Variants in ZNF536 observed in about 807,000 individuals in gnomAD.
The protein encoded by ZNF536 is zinc finger protein 536.
A neutral mutation model predicts 84.5 loss-of-function variants in ZNF536; 13 were observed. That is an observed-to-expected ratio of 0.15 (90% CI 0.10 to 0.24). The LOEUF (loss-of-function observed/expected upper bound fraction) is 0.24. ZNF536 is among the 10% of genes least tolerant of loss of function. ZNF536 has a pLI of 1.00. For missense variants in ZNF536, 1,536 were observed against 1,747.5 expected (o/e 0.88, Z 2.16); for synonymous variants, 811 against 742.5 (o/e 1.09, Z -1.50).
rs571981727 is a variant in ZNF536 at position 30,570,466 on chromosome 19, G to A, written c.169+20952G>A. ...GTGATAGCAAGCCCACGTTGTTATT[G>A]TGCACGTAGATATTACCACTTTAAC... is the stretch of plus-strand genomic sequence containing the variant. On this transcript the variant is annotated intron_variant, in intron 1 of 1. Coordinates refer to the ZNF536 transcript ENST00000592773. 1.8e-4 allele frequency among the ~76,000 whole-genome samples: 27 copies of A among 152,264 alleles called. No homozygotes were observed. In the South Asian group the frequency reaches 4.1e-3, roughly 23 times the overall value.
At chr19:30,483,970 C>G (rs1345853144) in intron 2 of ZNF536, among the ~76,000 whole-genome samples, 3 of 152,108 alleles carry the variant, frequency 2.0e-5, no homozygotes, top group East Asian at 3.9e-4. Flanking sequence ...CTGGAAATCC[C>G]CCTCTACCTC....
At chr19:30,565,634 C>T (rs962385205) in intron 1 of ZNF536, among the ~76,000 whole-genome samples, 3 of 152,120 alleles carry the variant, frequency 2.0e-5, no homozygotes, top group Non-Finnish European at 2.9e-5. Context: ...TTAGTGTACC[C>T]GTCACCTGAA....
At chr19:30,375,022 G>T in intron 1 of ZNF536, among the ~76,000 whole-genome samples, 1 of 151,878 alleles carries the variant, frequency 6.6e-6, no homozygotes, top group East Asian at 1.9e-4. Context: ...TGGGAGCGGG[G>T]GAAGGTGAGG....
intron 2 of ZNF536, among the ~76,000 whole-genome samples, chr19:30,287,789 G>A (rs1388243145): frequency 6.6e-6 from 1 of 151,578 alleles, no homozygotes; most frequent in Non-Finnish European, 1.5e-5. Flanking sequence ...TGGGTTGATG[G>A]GTGGATGGGA....
intron 1 of ZNF536, among the ~76,000 whole-genome samples, chr19:30,592,796 C>A (rs530333061): frequency 6.6e-6 from 1 of 152,072 alleles, no homozygotes; most frequent in Non-Finnish European, 1.5e-5. Flanking sequence ...ATGGACATAT[C>A]CGCTGTGCTA....
Position 30,294,706 on chromosome 19 carries a change from G to A in ZNF536, c.-120+10565G>A, listed in dbSNP as rs969124849. ...ATGAGTGGCAGACTCCCTAGAGAAGGTTTTGGAAGTTTGCGGAATTCTTAC... is the reference window on the plus strand; with the variant it reads ...ATGAGTGGCAGACTCCCTAGAGAAGATTTTGGAAGTTTGCGGAATTCTTAC... On this transcript the variant is annotated intron_variant, in intron 2 of 5. Coordinates refer to the ZNF536 transcript ENST00000585628. 5.7e-4 allele frequency among the ~76,000 whole-genome samples: 86 copies of A among 152,130 alleles called. 1 individual carries two copies. The highest frequency in any genetic ancestry group is 2.1e-4 in the Non-Finnish European group (14 of 68,036).
At chr19:30,689,397 A>G (rs1216860251) in intron 1 of ZNF536, among the ~76,000 whole-genome samples, 2 of 152,236 alleles carry the variant, frequency 1.3e-5, no homozygotes, top group Admixed American at 6.5e-5. Flanking sequence ...GAGGGGATGT[A>G]TAGGCAGCAT....
At chr19:30,238,263 TG>T (rs2023682281) in intron 1 of ZNF536, among the ~76,000 whole-genome samples, 1 of 151,912 alleles carries the variant, frequency 6.6e-6, no homozygotes, top group Non-Finnish European at 1.5e-5. Flanking sequence ...GGCTGGTCTT[TG>T]GGGTGATGTA....
chr19:30,523,872 C>A (rs924880337), intron 2 of ZNF536, among the ~76,000 whole-genome samples: 2 of 152,146 alleles, frequency 1.3e-5, no homozygotes, highest in African/African-American at 4.8e-5. Flanking sequence ...GCATCCCAGC[C>A]GGGCCTGGTG....
At chr19:30,456,308 C>CTTTTTTTT (rs11301441) in intron 2 of ZNF536, among the ~76,000 whole-genome samples, 7 of 108,092 alleles carry the variant, frequency 6.5e-5, no homozygotes, top group South Asian at 3.0e-4. Flanking sequence ...TGTTTCTTTT[C>CTTTTTTTT]TTTTTTTTTT....
rs2050296179 is a variant in ZNF536, at chr19:30,407,215, C to A, written c.-3+34659C>A. Among the ~76,000 whole-genome samples the A allele has an allele frequency of 2.6e-5, 4 of 152,212 alleles. No individual in the cohort carries two copies. In the South Asian group the frequency reaches 8.3e-4, roughly 32 times the overall value. On this transcript the variant is annotated intron_variant, in intron 1 of 4. Transcript: ENST00000355537. ...TATGATCCCCAGAAGGCTGAAAAATCTACAAAGGATGTTTCTTCCTTTTTG... is the reference window on the plus strand; with the variant it reads ...TATGATCCCCAGAAGGCTGAAAAATATACAAAGGATGTTTCTTCCTTTTTG...
chr19:30,692,303 A>G (rs547917230), intron 1 of ZNF536, among the ~76,000 whole-genome samples: 1 of 152,232 alleles, frequency 6.6e-6, no homozygotes, highest in Non-Finnish European at 1.5e-5. Flanking sequence ...TGAGCAAATC[A>G]CAAGCATTCT....
intron 1 of ZNF536, among the ~76,000 whole-genome samples, chr19:30,691,183 C>T (rs1318810124): frequency 2.0e-5 from 3 of 152,200 alleles, no homozygotes; most frequent in African/African-American, 4.8e-5. Context: ...CTGGCTGAGC[C>T]GGCAGAGTTG....
chr19:30,402,663 G>A (rs1310916743), intron 1 of ZNF536, among the ~76,000 whole-genome samples: 5 of 151,660 alleles, frequency 3.3e-5, no homozygotes, highest in South Asian at 2.1e-4. Context: ...AACCGCGGCC[G>A]ACGTGGGTTT....
intron 1 of ZNF536, among the ~76,000 whole-genome samples, chr19:30,390,995 A>G (rs1027341540): frequency 6.6e-6 from 1 of 152,204 alleles, no homozygotes; most frequent in African/African-American, 2.4e-5. Flanking sequence ...CAGCATTAAT[A>G]TTTATTCACT....
intron 1 of ZNF536, among the ~76,000 whole-genome samples, chr19:30,706,923 C>T (rs954245933): frequency 6.6e-6 from 1 of 152,182 alleles, no homozygotes; most frequent in Non-Finnish European, 1.5e-5. Flanking sequence ...CGAAACATTT[C>T]TCAGGTTTCC....
At chr19:30,434,762 A>AATG (rs1263640738) in intron 1 of ZNF536, among the ~76,000 whole-genome samples, 2 of 150,812 alleles carry the variant, frequency 1.3e-5, no homozygotes, top group Admixed American at 6.6e-5. Context: ...TATTGATGAT[A>AATG]ATGATGATGA....
chr19:30,325,710 G>A (rs1360395624), intron 2 of ZNF536, among the ~76,000 whole-genome samples: 1 of 152,228 alleles, frequency 6.6e-6, no homozygotes, highest in African/African-American at 2.4e-5. Flanking sequence ...TGTCCAATCT[G>A]TGGACCATGA....
rs539091439 is a variant in ZNF536 at position 30,296,982 on chromosome 19, GA to G, written c.-120+12845del. Among the ~76,000 whole-genome samples the G allele has an allele frequency of 4.2e-3, 643 of 152,320 alleles. 1 individual carries two copies. Among genetic ancestry groups the G allele is most frequent in the Non-Finnish European group, 4.7e-3 (319 of 68,028 alleles). On this transcript the variant is annotated intron_variant, in intron 2 of 5. Transcript: ENST00000585628. ...GAAGGTGAGAGTAAAACTTCCAGAA[GA>G]AAAGCTTCCTATGAGGTGTTTGAGA...
Sources: gnomAD v4.1 joint callset for allele counts (sites outside exome capture counted in the v4.1 genomes callset) on GRCh38, gnomAD v4.1.1 for gene constraint, MANE v1.5 for transcripts, NCBI Gene and HGNC (gene_info 2026-07-23, HGNC 2026-07-21) for gene names.